Variants in SCD5 observed in about 807,000 individuals in gnomAD.
SCD5 encodes the protein acyl-CoA-desaturase 4.
In SCD5, 20 loss-of-function variants were observed where a neutral mutation model predicts 30.4. The observed-to-expected ratio is 0.66, with a 90% confidence interval of 0.46 to 0.96. The LOEUF is 0.96. Ranked by LOEUF, SCD5 falls within the 40% of genes least tolerant of loss-of-function variation. The pLI, the probability that SCD5 is intolerant of heterozygous loss-of-function variation, is 0.00. For synonymous variants in SCD5, 173 were observed against 176.4 expected (o/e 0.98, Z 0.16); for missense variants, 381 against 443.3 (o/e 0.86, Z 1.26).
intron 3 of SCD5, among the ~76,000 whole-genome samples, chr4:82,650,667 G>T (rs1242249002): frequency 1.4e-5 from 1 of 74,064 alleles, no homozygotes; most frequent in Non-Finnish European, 3.4e-5. Flanking sequence ...CTGCACTCCA[G>T]CCTGGGTGAC....
At chr4:82,666,367 T>G (rs2148818079) in intron 3 of SCD5, among the ~76,000 whole-genome samples, 1 of 152,304 alleles carries the variant, frequency 6.6e-6, no homozygotes, top group African/African-American at 2.4e-5. Context: ...TAAGAAAATG[T>G]TAGCCGGGCG....
At chr4:82,631,587 T>C in intron 4 of SCD5, 70 bp from the exon 5 acceptor site, 4 of 1,518,784 alleles carry the variant, frequency 2.6e-6, no homozygotes, top group Non-Finnish European at 3.6e-6. Context: ...GAATCACCTA[T>C]TTTTTCAGGG....
At position 82,679,234 on chromosome 4, in the gene SCD5, A is replaced by AAGAAAG. The variant is rs1335159755; in HGVS notation, c.569+1467_569+1472dup. Among the ~76,000 whole-genome samples the AAGAAAG allele has an allele frequency of 5.2e-5, 5 of 96,404 alleles. No homozygotes were observed. The South Asian group carries it at 1.9e-3, about 37-fold the overall frequency. The allele number at this position is 96,404 out of a possible 152,430, so 63.2% of individuals were successfully genotyped here. Reference sequence around the variant, plus strand: ...AAAAAAGAAAGAAAAGAAAGAAAGAAAGAAAGAAAGAAAGAAAGAAAGAAA... The same window carrying AAGAAAG: ...AAAAAAGAAAGAAAAGAAAGAAAGAAAGAAAGAGAAAGAAAGAAAGAAAGAAAGAAA... On this transcript the variant is annotated intron_variant, in intron 3 of 4. Coordinates refer to ENST00000319540, the MANE Select transcript of SCD5 (RefSeq NM_001037582.3).
chr4:82,650,124 G>A (rs1434113049), intron 3 of SCD5, among the ~76,000 whole-genome samples: 1 of 152,174 alleles, frequency 6.6e-6, no homozygotes, highest in Non-Finnish European at 1.5e-5. Context: ...CTAGGTAGTA[G>A]ACACACTCCT....
At chr4:82,737,875 T>C (rs951500) in intron 1 of SCD5, among the ~76,000 whole-genome samples, 9,618 of 151,680 alleles carry the variant, frequency 0.063, 430 homozygotes, top group African/African-American at 0.12. Flanking sequence ...AAAAAGGTCA[T>C]GGATAAGATT....
Position 82,746,976 on chromosome 4 carries a change from G to A in SCD5, c.233-41563C>T, listed in dbSNP as rs142611764. The stretch of plus-strand genomic sequence containing the variant: ...AGGGCGTCAGGGGGAGAGGAGGAAC[G>A]GGGAACACACCCACAGACCAGCAAC... On this transcript the variant is annotated intron_variant, in intron 1 of 4. Coordinates refer to ENST00000319540, the MANE Select transcript of SCD5 (RefSeq NM_001037582.3). 9.8e-4 allele frequency among the ~76,000 whole-genome samples: 148 copies of A among 150,770 alleles called. 1 individual carries two copies. In the East Asian group the frequency reaches 0.024, roughly 25 times the overall value.
chr4:82,700,877 C>T (rs374480291), intron 2 of SCD5, among the ~76,000 whole-genome samples: 66 of 145,614 alleles, frequency 4.5e-4, no homozygotes, highest in African/African-American at 1.5e-3. Context: ...GTATACTTGC[C>T]TTGCAAAAAA....
At chr4:82,792,094 C>A (rs960788194) in intron 1 of SCD5, among the ~76,000 whole-genome samples, 2 of 151,938 alleles carry the variant, frequency 1.3e-5, no homozygotes, top group South Asian at 2.1e-4. Context: ...CCTGTCTCTA[C>A]TAAAAATACA....
intron 2 of SCD5, among the ~76,000 whole-genome samples, chr4:82,691,169 G>T (rs1408228717): frequency 6.6e-6 from 1 of 152,182 alleles, no homozygotes; most frequent in Non-Finnish European, 1.5e-5. Context: ...GGGATTACAG[G>T]CACTCACCAC....
At chr4:82,648,237 C>T (rs1470571247) in intron 3 of SCD5, among the ~76,000 whole-genome samples, 4 of 152,352 alleles carry the variant, frequency 2.6e-5, no homozygotes, top group Admixed American at 1.3e-4. Context: ...CCAGCTCCCA[C>T]CTTTCATCCC....
At chr4:82,748,296 C>T (rs1293290573) in intron 1 of SCD5, among the ~76,000 whole-genome samples, 1 of 151,856 alleles carries the variant, frequency 6.6e-6, no homozygotes, top group Non-Finnish European at 1.5e-5. Flanking sequence ...AGACTCAGGC[C>T]TAGGCATGCC....
chr4:82,797,979 G>A (rs1237031419), intron 1 of SCD5, among the ~76,000 whole-genome samples: 1 of 151,820 alleles, frequency 6.6e-6, no homozygotes, highest in Non-Finnish European at 1.5e-5. Context: ...CTCCCTTCGC[G>A]CGCCTCTGCG....
chr4:82,781,240 C>A (rs969222007), intron 1 of SCD5, among the ~76,000 whole-genome samples: 4 of 151,952 alleles, frequency 2.6e-5, no homozygotes, highest in African/African-American at 4.8e-5. Context: ...CATGGTGAAA[C>A]CCTATCTCTA....
At chr4:82,740,561 T>C (rs1056111944) in intron 1 of SCD5, among the ~76,000 whole-genome samples, 2 of 152,210 alleles carry the variant, frequency 1.3e-5, no homozygotes, top group African/African-American at 4.8e-5. Flanking sequence ...ACAGACATAT[T>C]GACTTACCGA....
At chr4:82,695,973 G>A (rs999074507) in intron 2 of SCD5, among the ~76,000 whole-genome samples, 1 of 152,174 alleles carries the variant, frequency 6.6e-6, no homozygotes, top group Admixed American at 6.5e-5. Flanking sequence ...TTGCACACAA[G>A]TCTAGCCAGC....
intron 1 of SCD5, among the ~76,000 whole-genome samples, chr4:82,786,468 T>C (rs1721989759): frequency 6.6e-6 from 1 of 152,308 alleles, no homozygotes; most frequent in African/African-American, 2.4e-5. Context: ...TGTTTCATTT[T>C]CAAGCTCATT....
chr4:82,691,291 G>A (rs1728830636), intron 2 of SCD5, among the ~76,000 whole-genome samples: 1 of 152,198 alleles, frequency 6.6e-6, no homozygotes, highest in Non-Finnish European at 1.5e-5. Flanking sequence ...TTCCCCAAGT[G>A]TTGGGATTAC....
chr4:82,660,640 G>A (rs1727976914), intron 3 of SCD5: 1 of 1,376,776 alleles, frequency 7.3e-7, no homozygotes. Flanking sequence ...TGTGGAAATA[G>A]AATCTCAGAG....
At chr4:82,696,866 A>C (rs540024631) in intron 2 of SCD5, among the ~76,000 whole-genome samples, 1 of 152,362 alleles carries the variant, frequency 6.6e-6, no homozygotes, top group South Asian at 2.1e-4. Context: ...ATTGCATTGC[A>C]ATACAGTCTT....
Sources: allele counts gnomAD v4.1 joint callset (sites outside exome capture counted in the v4.1 genomes callset), GRCh38; gene constraint gnomAD v4.1.1; transcripts MANE v1.5; gene names NCBI Gene and HGNC (gene_info 2026-07-23, HGNC 2026-07-21).